Variants in PLEKHA6 observed in about 807,000 individuals in gnomAD.
The protein encoded by PLEKHA6 is pleckstrin homology domain containing A6, also known as pleckstrin homology domain-containing family A member 6.
In PLEKHA6, 60 loss-of-function variants were observed where a neutral mutation model predicts 116.7. The ratio of observed to expected loss-of-function variants is 0.51; its 90% CI spans 0.42 to 0.64. PLEKHA6 has a LOEUF of 0.64. PLEKHA6 is among the 30% of genes least tolerant of loss of function. The pLI is 0.00. For synonymous variants in PLEKHA6, 489 were observed against 556.1 expected (o/e 0.88, Z 1.70); for missense variants, 1,338 against 1,422.7 (o/e 0.94, Z 0.96).
Position 204,259,800 on chromosome 1 carries a change from G to A in PLEKHA6, c.525-60C>T, listed in dbSNP as rs1665878379. 1 of 1,524,478 alleles carries A rather than the reference G, an allele frequency of 6.6e-7. No homozygotes were observed. Among genetic ancestry groups the A allele is most frequent in the African/African-American group, 1.4e-5 (1 of 72,652 alleles). 94.4% of individuals were successfully genotyped at this position (1,524,478 alleles called of 1,614,324 possible). On this transcript the variant is annotated intron_variant, in intron 7 of 22. Transcript: ENST00000272203. The surrounding 1 kb of genome is among the most constrained non-coding windows in gnomAD (Gnocchi z 4.6). ...CTAGCCCAGCATGGAGTGGGGCAGG[G>A]GGTGCCAGACTGGGAAGAAGAGGAG...
At chr1:204,285,259 C>A (rs1014725959) in intron 1 of PLEKHA6, among the ~76,000 whole-genome samples, 1 of 152,320 alleles carries the variant, frequency 6.6e-6, no homozygotes, top group Admixed American at 6.5e-5. Context: ...ATCCTTCCAC[C>A]AGCTGATGAG....
intron 1 of PLEKHA6, among the ~76,000 whole-genome samples, chr1:204,337,615 G>A (rs1411599315): frequency 6.6e-6 from 1 of 152,218 alleles, no homozygotes; most frequent in Non-Finnish European, 1.5e-5. Context: ...TAATGTGGAA[G>A]GGTGGAATCC....
At chr1:204,272,585 A>G (rs1667579449) in intron 3 of PLEKHA6, among the ~76,000 whole-genome samples, 1 of 152,146 alleles carries the variant, frequency 6.6e-6, no homozygotes, top group African/African-American at 2.4e-5. Context: ...TTCCCTAATA[A>G]AACAAGACAA....
chr1:204,248,730 A>T, intron 12 of PLEKHA6, 91 bp downstream of exon 12: 1 of 1,231,992 alleles, frequency 8.1e-7, no homozygotes, highest in Non-Finnish European at 1.2e-6. Flanking sequence ...CTCTGAGGAA[A>T]ACTGGACTAG....
chr1:204,255,688 A>G (rs1195953366), intron 9 of PLEKHA6: 4 of 702,966 alleles, frequency 5.7e-6, no homozygotes, highest in Non-Finnish European at 1.0e-5. Flanking sequence ...TCCTACCCGG[A>G]GCCCGAGGCC....
At chr1:204,339,459 A>C (rs1200592629) in intron 1 of PLEKHA6, among the ~76,000 whole-genome samples, 1 of 152,198 alleles carries the variant, frequency 6.6e-6, no homozygotes, top group African/African-American at 2.4e-5. Context: ...CAAGGATCAT[A>C]CTCAAAATGG....
At chr1:204,338,753 GAAGT>G (rs1672743709) in intron 1 of PLEKHA6, among the ~76,000 whole-genome samples, 1 of 152,178 alleles carries the variant, frequency 6.6e-6, no homozygotes. Flanking sequence ...TTGGTAAATG[GAAGT>G]AAGACAGGAG....
At chr1:204,276,496 C>T (rs565538753) in intron 1 of PLEKHA6, among the ~76,000 whole-genome samples, 46 of 152,248 alleles carry the variant, frequency 3.0e-4, no homozygotes, top group Admixed American at 7.2e-4. Context: ...GTGGCAACTA[C>T]GGTGTCCTTT....
At chr1:204,290,918 G>C (rs925317602) in intron 1 of PLEKHA6, among the ~76,000 whole-genome samples, 1 of 151,902 alleles carries the variant, frequency 6.6e-6, no homozygotes, top group Non-Finnish European at 1.5e-5. Context: ...GAACCCAGGA[G>C]GGGGAGGTTG....
At chr1:204,272,217 C>T (rs1417464792) in intron 3 of PLEKHA6, among the ~76,000 whole-genome samples, 3 of 152,144 alleles carry the variant, frequency 2.0e-5, no homozygotes, top group Non-Finnish European at 4.4e-5. Context: ...CCTAGACACC[C>T]ACTCCCTAGC....
chr1:204,257,266 C>T lies in PLEKHA6; in HGVS notation c.1524+87G>A, dbSNP rs1665433309. Reference sequence around the variant, plus strand: ...CCAGTGGCCCCGTGGCACAGATGCTCCCACATCTCTGCCTTTTCTCAGTAG... The same window carrying T: ...CCAGTGGCCCCGTGGCACAGATGCTTCCACATCTCTGCCTTTTCTCAGTAG... On this transcript the variant is annotated intron_variant, in intron 9 of 22. Coordinates refer to ENST00000272203, the MANE Select transcript of PLEKHA6 (RefSeq NM_014935.5). This position sits in a 1 kb window ranked among gnomAD's most constrained non-coding sequence, Gnocchi z 6.5. The T allele has an allele frequency of 7.8e-7, 1 of 1,283,640 alleles. No homozygotes were observed. Among genetic ancestry groups the T allele is most frequent in the Non-Finnish European group, 1.1e-6 (1 of 912,598 alleles). 79.5% of individuals were successfully genotyped at this position (1,283,640 alleles called of 1,614,324 possible).
In PLEKHA6 at chr1:204,257,258, C is replaced by T. The variant is rs536960974; in HGVS notation, c.1524+95G>A. On this transcript the variant is annotated intron_variant, in intron 9 of 22. Transcript: ENST00000272203. This position sits in a 1 kb window ranked among gnomAD's most constrained non-coding sequence, Gnocchi z 6.5. ...CAAACGGCCCAGTGGCCCCGTGGCA[C>T]AGATGCTCCCACATCTCTGCCTTTT... The T allele has an allele frequency of 1.9e-5, 23 of 1,213,862 alleles. No individual in the cohort carries two copies. Among genetic ancestry groups the T allele is most frequent in the Non-Finnish European group, 1.4e-5 (12 of 852,756 alleles). 75.2% of individuals were successfully genotyped at this position (1,213,862 alleles called of 1,614,324 possible).
Position 204,261,475 on chromosome 1 carries a change from T to C in PLEKHA6, c.382-27A>G. 1.3e-6 allele frequency: 2 copies of C among 1,585,798 alleles called. No homozygotes were observed. Among genetic ancestry groups the C allele is most frequent in the Non-Finnish European group, 1.7e-6 (2 of 1,164,452 alleles). ...TGTGGGGAGAGGCAGCGTGTGGAGC[T>C]GGCCTCGGCCTCATCCACCCAGCAC... On this transcript the variant is annotated intron_variant, in intron 6 of 22. Transcript: ENST00000272203. This position sits in a 1 kb window ranked among gnomAD's most constrained non-coding sequence, Gnocchi z 4.0.
intron 13 of PLEKHA6, among the ~76,000 whole-genome samples, chr1:204,247,073 G>T (rs901915648): frequency 6.6e-6 from 1 of 152,156 alleles, no homozygotes; most frequent in Non-Finnish European, 1.5e-5. Context: ...GGCAGTCAAG[G>T]CTGCAGTGAG....
At chr1:204,296,244 C>A (rs1302434354) in intron 1 of PLEKHA6, among the ~76,000 whole-genome samples, 1 of 152,142 alleles carries the variant, frequency 6.6e-6, no homozygotes, top group Admixed American at 6.5e-5. Context: ...AACACTGGTG[C>A]ACACTCACAT....
chr1:204,228,667 G>A lies in PLEKHA6; in HGVS notation c.2885+61C>T. The stretch of plus-strand genomic sequence containing the variant: ...TCTGTGCCCCCAACGACTTCTAGTG[G>A]CCCAGGTGTCCTAGGTGCCAGGGTG... On this transcript the variant is annotated intron_variant, in intron 20 of 22. Transcript: ENST00000272203. The surrounding 1 kb of genome is among the most constrained non-coding windows in gnomAD (Gnocchi z 4.0). The A allele has an allele frequency of 6.5e-7, 1 of 1,547,614 alleles. No homozygotes were observed. The highest frequency in any genetic ancestry group is 1.1e-5 in the South Asian group (1 of 89,088).
chr1:204,273,182 C>T (rs75270294), intron 3 of PLEKHA6, among the ~76,000 whole-genome samples: 2,456 of 152,268 alleles, frequency 0.016, 69 homozygotes, highest in African/African-American at 0.056. Flanking sequence ...CCATGACCTT[C>T]GTGACTATCC....
intron 9 of PLEKHA6, among the ~76,000 whole-genome samples, chr1:204,251,808 C>T (rs1245432475): frequency 1.3e-5 from 2 of 152,314 alleles, no homozygotes; most frequent in East Asian, 3.9e-4. Flanking sequence ...AGAAAGGCCA[C>T]AGAAGGGGCC....
chr1:204,349,101 C>A (rs924294441), intron 1 of PLEKHA6, among the ~76,000 whole-genome samples: 15 of 152,220 alleles, frequency 9.9e-5, no homozygotes, highest in Admixed American at 2.0e-4. Context: ...TCTCCTCAGT[C>A]CCAGCCTCTG....
Sources: gnomAD v4.1 joint callset for allele counts (sites outside exome capture counted in the v4.1 genomes callset) on GRCh38, gnomAD v4.1.1 for gene constraint, Gnocchi (gnomAD v3.1) non-coding constraint, MANE v1.5 for transcripts, NCBI Gene and HGNC (gene_info 2026-07-23, HGNC 2026-07-21) for gene names.